The following NPTN variants were observed in gnomAD, a reference collection of about 807,000 sequenced individuals.
NPTN encodes neuroplastin, also known as SDR-1.
NPTN carries 5 observed loss-of-function variants against 42.7 expected under a neutral mutation model. That is an observed-to-expected ratio of 0.12 (90% CI 0.06 to 0.25). NPTN has a LOEUF of 0.25. Among genes scored for constraint, NPTN ranks in the 10% least tolerant of loss-of-function variants. The pLI is 1.00. For missense variants in NPTN, 307 were observed against 525.4 expected (o/e 0.58, Z 4.06); for synonymous variants, 180 against 201.9 (o/e 0.89, Z 0.92).
In NPTN at chr15:73,595,791, G is replaced by A. The variant is rs113627485; in HGVS notation, c.439+1231C>T. Among the ~76,000 whole-genome samples, 425 of 152,272 alleles carry A rather than the reference G, an allele frequency of 2.8e-3. 1 individual carries two copies. The highest frequency in any genetic ancestry group is 7.5e-3 in the Admixed American group (115 of 15,302). Reference sequence around the variant, plus strand: ...GCCAGAACTCTTCTTGGCCAGGAACGTTGGTTCTGTGGTGGCTTCTCCCTC... The same window carrying A: ...GCCAGAACTCTTCTTGGCCAGGAACATTGGTTCTGTGGTGGCTTCTCCCTC... On this transcript the variant is annotated intron_variant, in intron 2 of 8. Coordinates refer to ENST00000345330, the MANE Select transcript of NPTN (RefSeq NM_012428.4).
At chr15:73,611,504 C>CA (rs1333484888) in intron 1 of NPTN, among the ~76,000 whole-genome samples, 1 of 151,946 alleles carries the variant, frequency 6.6e-6, no homozygotes, top group Non-Finnish European at 1.5e-5. Context: ...GAAAAGGGTA[C>CA]ACAGTATGAT....
At chr15:73,580,441 A>AATATATATAAT (rs201553060) in intron 4 of NPTN, among the ~76,000 whole-genome samples, 1 of 113,956 alleles carries the variant, frequency 8.8e-6, no homozygotes, top group African/African-American at 4.1e-5. Flanking sequence ...TAATATATAT[A>AATATATATAAT]ATATATATGT....
chr15:73,611,529 T>C (rs1418250588), intron 1 of NPTN, among the ~76,000 whole-genome samples: 4 of 151,976 alleles, frequency 2.6e-5, no homozygotes, highest in African/African-American at 4.8e-5. Flanking sequence ...ACTACATATA[T>C]GACATTCTGA....
chr15:73,609,491 C>T (rs989376858), intron 1 of NPTN, among the ~76,000 whole-genome samples: 34 of 152,030 alleles, frequency 2.2e-4, no homozygotes, highest in Non-Finnish European at 4.6e-4. Context: ...CTTAGCTGGG[C>T]GTGGTGGTGG....
chr15:73,603,288 A>T (rs1395697444), intron 1 of NPTN, among the ~76,000 whole-genome samples: 1 of 152,236 alleles, frequency 6.6e-6, no homozygotes. Flanking sequence ...AATAAGTGCT[A>T]AACAGGCCAC....
At position 73,597,208 on chromosome 15, in the gene NPTN, G is replaced by C; in HGVS notation, c.253C>G (p.Arg85Gly). ...FRQLWDGARKRRVTVNTAYGS... is the reference protein window; with the variant it reads ...FRQLWDGARKGRVTVNTAYGS... ...TAGGCGGTGTTTACGGTGACACGGC[G>C]CTTCCGAGCACCGTCCCACAGCTGT... The change falls in exon 2 of 9, where the codon CGC (arginine) becomes GGC (glycine). Residue 85 changes from arginine (R) to glycine (G), a missense_variant. Around this residue, in one of 2 missense-constraint regions of NPTN, gnomAD observed 264 missense variants for 491.1 expected, o/e 0.54. Coordinates refer to ENST00000345330, the MANE Select transcript of NPTN (RefSeq NM_012428.4). The surrounding 1 kb of genome is among the most constrained non-coding windows in gnomAD (Gnocchi z 6.3). 1 of 1,614,064 alleles carries C rather than the reference G, an allele frequency of 6.2e-7. No homozygotes were observed. Among genetic ancestry groups the C allele is most frequent in the East Asian group, 2.2e-5 (1 of 44,874 alleles).
intron 1 of NPTN, among the ~76,000 whole-genome samples, chr15:73,604,895 G>A (rs569758523): frequency 1.3e-5 from 2 of 152,302 alleles, no homozygotes; most frequent in South Asian, 2.1e-4. Context: ...GGAGGCTGAG[G>A]TGGGAGGACT....
intron 2 of NPTN, among the ~76,000 whole-genome samples, chr15:73,595,670 T>C (rs770609955): frequency 1.3e-5 from 2 of 152,242 alleles, no homozygotes; most frequent in African/African-American, 2.4e-5. Flanking sequence ...GAACTGGCTA[T>C]AGATCTCTCA....
intron 2 of NPTN, among the ~76,000 whole-genome samples, chr15:73,592,503 ACAAAGG>A (rs1266448044): frequency 6.6e-6 from 1 of 152,214 alleles, no homozygotes. Flanking sequence ...CATTCTGAAG[ACAAAGG>A]CCATATCATT....
intron 1 of NPTN, among the ~76,000 whole-genome samples, chr15:73,600,499 A>G (rs1266985332): frequency 1.3e-5 from 2 of 152,230 alleles, no homozygotes; most frequent in Non-Finnish European, 2.9e-5. Flanking sequence ...AAAGATGTGG[A>G]AACTAACGTC....
chr15:73,571,480 A>C (rs1895381249), intron 5 of NPTN, among the ~76,000 whole-genome samples: 2 of 152,176 alleles, frequency 1.3e-5, no homozygotes, highest in African/African-American at 4.8e-5. Context: ...GTGTGTATAG[A>C]GTGCTGTAGG....
At chr15:73,598,439 T>C (rs1896927110) in intron 1 of NPTN, among the ~76,000 whole-genome samples, 1 of 151,246 alleles carries the variant, frequency 6.6e-6, no homozygotes, top group Admixed American at 6.6e-5. Flanking sequence ...AGGTTACACT[T>C]CCATAAGACA....
chr15:73,622,712 A>G (rs1016424102), intron 1 of NPTN, among the ~76,000 whole-genome samples: 3 of 152,222 alleles, frequency 2.0e-5, no homozygotes, highest in African/African-American at 4.8e-5. Context: ...GATTTTGTCC[A>G]TATTAAATCT....
chr15:73,575,541 C>G (rs1895646701), intron 4 of NPTN, among the ~76,000 whole-genome samples: 1 of 152,222 alleles, frequency 6.6e-6, no homozygotes, highest in Admixed American at 6.5e-5. Context: ...TTTCGTTATT[C>G]TGGGCTTTGC....
rs192551377 is a variant in NPTN, at chr15:73,568,464, T to A, written c.1114+1686A>T. 6.0e-5 allele frequency: 59 copies of A among 985,416 alleles called. No individual in the cohort carries two copies. The East Asian group carries it at 4.4e-3, about 74-fold the overall frequency. The allele number at this position is 985,416 out of a possible 1,614,324, so 61.0% of individuals were successfully genotyped here. On this transcript the variant is annotated intron_variant, in intron 6 of 8. Coordinates refer to ENST00000345330, the MANE Select transcript of NPTN (RefSeq NM_012428.4). ...AAAGGCCCTTTTCAGGAATGAGGCA[T>A]AACTGATCCCACAGAGCCAAAGCTG...
chr15:73,572,539 G>A (rs1020793410), intron 5 of NPTN, among the ~76,000 whole-genome samples: 1 of 151,916 alleles, frequency 6.6e-6, no homozygotes, highest in African/African-American at 2.4e-5. Flanking sequence ...GCCTCCTCAG[G>A]TTGCCCCGAT....
rs796430575 is a variant in NPTN at position 73,633,346 on chromosome 15, C to G, written c.-131G>C. ...GAGGGAGGCAGCCGCGGCTCGGCTC[C>G]GTCCTTCCCCGTCCTCCTCCTGCCG... On this transcript the variant is annotated 5_prime_UTR_variant, in exon 1 of 9. Coordinates refer to ENST00000345330, the MANE Select transcript of NPTN (RefSeq NM_012428.4). The G allele has an allele frequency of 5.2e-6, 3 of 575,760 alleles. No homozygotes were observed. Among genetic ancestry groups the G allele is most frequent in the Admixed American group, 4.4e-5 (1 of 22,902 alleles). The allele number at this position is 575,760 out of a possible 1,614,324, so 35.7% of individuals were successfully genotyped here.
At chr15:73,596,334 T>C (rs144518273) in intron 2 of NPTN, among the ~76,000 whole-genome samples, 2 of 152,266 alleles carry the variant, frequency 1.3e-5, no homozygotes, top group East Asian at 3.9e-4. Context: ...GAAAAAGAGC[T>C]GGAACTATGA....
At chr15:73,583,171 T>C (rs1896142212) in intron 4 of NPTN, among the ~76,000 whole-genome samples, 1 of 152,186 alleles carries the variant, frequency 6.6e-6, no homozygotes, top group African/African-American at 2.4e-5. Context: ...ATCATGCACT[T>C]GAGGAAGCTG....
Sources: gnomAD v4.1 joint callset for allele counts (sites outside exome capture counted in the v4.1 genomes callset) on GRCh38, gnomAD v4.1.1 for gene constraint, gnomAD v4.1.1 regional missense constraint, Gnocchi (gnomAD v3.1) non-coding constraint, MANE v1.5 for transcripts, NCBI Gene and HGNC (gene_info 2026-07-23, HGNC 2026-07-21) for gene names.